The following RNF38 variants were observed in gnomAD, a reference collection of about 807,000 sequenced individuals.
RNF38 encodes ring finger protein 38.
Under a neutral mutation model 67.2 loss-of-function variants are expected in RNF38, and 15 were observed. The observed-to-expected ratio is 0.22, with a 90% CI of 0.15 to 0.34. The LOEUF is 0.34. Ranked by LOEUF, RNF38 falls within the 10% of genes least tolerant of loss-of-function variation. RNF38 has a pLI of 1.00. For synonymous variants in RNF38, 220 were observed against 218.8 expected, an observed-to-expected ratio of 1.01 and a Z score of -0.05; for missense variants, 524 against 639.9, an observed-to-expected ratio of 0.82 and a Z score of 1.95.
Position 36,359,970 on chromosome 9 carries a change from C to A in RNF38, c.571-2028G>T, listed in dbSNP as rs537118325. Among the ~76,000 whole-genome samples the A allele has an allele frequency of 3.3e-5, 5 of 151,970 alleles. No homozygotes were observed. In the East Asian group the frequency reaches 5.8e-4, roughly 18 times the overall value. On this transcript the variant is annotated intron_variant, in intron 4 of 11. Coordinates refer to ENST00000259605, the MANE Select transcript of RNF38 (RefSeq NM_022781.5). ...ATTTTGGCCAGTCTGGTCTTGAACT[C>A]CTGAACTCAGATGATCTGCCTGCCT...
At chr9:36,411,116 G>A (rs1425679027) in intron 2 of RNF38, among the ~76,000 whole-genome samples, 1 of 149,980 alleles carries the variant, frequency 6.7e-6, no homozygotes, top group Non-Finnish European at 1.5e-5. Context: ...TGTCTAGTAA[G>A]GGGTTAATAT....
chr9:36,460,802 G>A lies in RNF38; in HGVS notation n.241+26506C>T, dbSNP rs1436160657. On this transcript the variant is annotated intron_variant and non_coding_transcript_variant, in intron 1 of 3. Transcript: ENST00000488058. Reference sequence around the variant, plus strand: ...CTCAGGAGGCTGAGGCAGAAGAATCGCTTGAACCCAGGAGGTGAAGGTTGC... The same window carrying A: ...CTCAGGAGGCTGAGGCAGAAGAATCACTTGAACCCAGGAGGTGAAGGTTGC... 4.1e-5 allele frequency among the ~76,000 whole-genome samples: 6 copies of A among 147,398 alleles called. No individual in the cohort carries two copies. The East Asian group carries it at 6.0e-4, about 15-fold the overall frequency.
intron 2 of RNF38, among the ~76,000 whole-genome samples, chr9:36,386,277 T>G (rs961264729): frequency 2.6e-5 from 4 of 152,152 alleles, no homozygotes; most frequent in African/African-American, 9.7e-5. Flanking sequence ...TTTGGAAAAG[T>G]TTTTCCCCCT....
At chr9:36,408,622 A>G (rs889870269) in intron 2 of RNF38, among the ~76,000 whole-genome samples, 1 of 152,160 alleles carries the variant, frequency 6.6e-6, no homozygotes, top group African/African-American at 2.4e-5. Flanking sequence ...CCTAAACTTG[A>G]GCCAAAGTGA....
At chr9:36,356,180 A>T in intron 6 of RNF38, 123 bp downstream of exon 6, 1 of 908,426 alleles carries the variant, frequency 1.1e-6, no homozygotes, top group Non-Finnish European at 1.7e-6. Context: ...ATTTAAACAT[A>T]GTAACTTAGG....
At chr9:36,432,807 CAAAG>C (rs1486357051) in intron 1 of RNF38, among the ~76,000 whole-genome samples, 12 of 152,018 alleles carry the variant, frequency 7.9e-5, no homozygotes, top group Non-Finnish European at 1.8e-4. Context: ...AACAAAAAAA[CAAAG>C]AAATACTATT....
Position 36,376,137 on chromosome 9 carries a change from C to A in RNF38, c.163-10G>T. Reference sequence around the variant, plus strand: ...TTGGACTATCTTCACTCTGCCAATGCAACAAAATGGATCAACTGAGTAAGA... The same window carrying A: ...TTGGACTATCTTCACTCTGCCAATGAAACAAAATGGATCAACTGAGTAAGA... On this transcript the variant is annotated splice_polypyrimidine_tract_variant and intron_variant, in intron 2 of 11. Coordinates refer to ENST00000259605, the MANE Select transcript of RNF38 (RefSeq NM_022781.5). The A allele has an allele frequency of 6.5e-7, 1 of 1,544,150 alleles. No individual in the cohort carries two copies. The highest frequency in any genetic ancestry group is 8.7e-7 in the Non-Finnish European group (1 of 1,150,336).
chr9:36,487,185 A>AGCTGACCCGGACAAC (rs2134475980), intron 1 of RNF38: 1 of 630,168 alleles, frequency 1.6e-6, no homozygotes, highest in East Asian at 1.4e-4. Flanking sequence ...GGCCGGACAA[A>AGCTGACCCGGACAAC]GCTGACCCGG....
intron 2 of RNF38, among the ~76,000 whole-genome samples, chr9:36,420,548 G>C (rs1321922318): frequency 1.4e-5 from 1 of 71,778 alleles, no homozygotes; most frequent in Non-Finnish European, 3.5e-5. Context: ...AAAAAAAAAA[G>C]AGGACAACCT....
chr9:36,364,762 T>C (rs1376518992), intron 4 of RNF38, among the ~76,000 whole-genome samples: 1 of 152,224 alleles, frequency 6.6e-6, no homozygotes, highest in Non-Finnish European at 1.5e-5. Flanking sequence ...GAGGGCATGG[T>C]AAACTAGATT....
At chr9:36,371,715 G>A (rs1835391285) in intron 3 of RNF38, among the ~76,000 whole-genome samples, 1 of 151,868 alleles carries the variant, frequency 6.6e-6, no homozygotes, top group Non-Finnish European at 1.5e-5. Context: ...GCCTCCCAGA[G>A]TACTGGGATT....
intron 9 of RNF38, among the ~76,000 whole-genome samples, chr9:36,347,768 G>T (rs530339679): frequency 1.2e-4 from 19 of 152,274 alleles, no homozygotes; most frequent in Admixed American, 1.1e-3. Flanking sequence ...AGTCACATGT[G>T]TCTCACTTTA....
intron 2 of RNF38, among the ~76,000 whole-genome samples, chr9:36,411,341 C>G (rs1305551043): frequency 6.6e-6 from 1 of 152,106 alleles, no homozygotes; most frequent in Non-Finnish European, 1.5e-5. Flanking sequence ...GGTACAGCCA[C>G]TATGAAAAAC....
intron 1 of RNF38, among the ~76,000 whole-genome samples, chr9:36,483,735 T>G (rs1481742349): frequency 6.6e-6 from 1 of 152,228 alleles, no homozygotes; most frequent in Non-Finnish European, 1.5e-5. Context: ...CATCTTTCTC[T>G]TAAGACATAA....
rs147750470 is a variant in RNF38 at position 36,452,443 on chromosome 9, C to T, written n.242-27760G>A. Among the ~76,000 whole-genome samples, 445 of 152,132 alleles carry T rather than the reference C, an allele frequency of 2.9e-3. 1 individual carries two copies. The highest frequency in any genetic ancestry group is 4.3e-3 in the Non-Finnish European group (294 of 68,008). ...TTCTAGACATTTTTACATAAATAGACGCATACTACATGTGCTCTTTTGTGT... is the reference window on the plus strand; with the variant it reads ...TTCTAGACATTTTTACATAAATAGATGCATACTACATGTGCTCTTTTGTGT... On this transcript the variant is annotated intron_variant and non_coding_transcript_variant, in intron 1 of 3. Transcript: ENST00000488058.
chr9:36,426,060 TGTAA>T (rs1313655265), intron 1 of RNF38, among the ~76,000 whole-genome samples: 1 of 152,184 alleles, frequency 6.6e-6, no homozygotes, highest in Non-Finnish European at 1.5e-5. Context: ...GGCTGAAGAC[TGTAA>T]GTGAGGATCA....
At chr9:36,441,475 C>T (rs531149848) in intron 1 of RNF38, among the ~76,000 whole-genome samples, 20 of 152,090 alleles carry the variant, frequency 1.3e-4, no homozygotes, top group South Asian at 2.1e-4. Context: ...TACAGGCACG[C>T]GCCACCATGC....
intron 9 of RNF38, among the ~76,000 whole-genome samples, chr9:36,348,532 A>G (rs936794176): frequency 1.3e-5 from 2 of 152,198 alleles, no homozygotes; most frequent in Admixed American, 6.5e-5. Context: ...GAACGCACGA[A>G]TAAGAAAGCA....
chr9:36,425,553 G>C (rs187912020), intron 1 of RNF38, among the ~76,000 whole-genome samples: 1 of 152,050 alleles, frequency 6.6e-6, no homozygotes, highest in Admixed American at 6.6e-5. Context: ...AATTAGCCAC[G>C]CGTGGTGGCG....
Sources: gnomAD v4.1 joint callset for allele counts (sites outside exome capture counted in the v4.1 genomes callset) on GRCh38, gnomAD v4.1.1 for gene constraint, MANE v1.5 for transcripts, NCBI Gene and HGNC (gene_info 2026-07-23, HGNC 2026-07-21) for gene names.